The following ORC3 variants were observed in gnomAD, a reference collection of about 807,000 sequenced individuals.
ORC3 encodes origin recognition complex subunit 3, also known as homolog of latheo, Drosophila.
A neutral mutation model predicts 100.7 loss-of-function variants in ORC3; 78 were observed. The observed-to-expected ratio is 0.77, with a 90% CI of 0.65 to 0.94. The LOEUF (loss-of-function observed/expected upper bound fraction) is 0.94. ORC3 is among the 40% of genes least tolerant of loss of function. The pLI is 0.00. For missense variants in ORC3, 789 were observed against 823.9 expected (o/e 0.96, Z 0.52); for synonymous variants, 295 against 289.3 (o/e 1.02, Z -0.20).
intron 16 of ORC3, among the ~76,000 whole-genome samples, chr6:87,662,604 A>G (rs1770275639): frequency 6.6e-6 from 1 of 152,182 alleles, no homozygotes; most frequent in Admixed American, 6.5e-5. Flanking sequence ...GAAAATGTAG[A>G]TATCTGTTTT....
chr6:87,609,117 A>T lies in ORC3; in HGVS notation c.601A>T (p.Ser201Cys). Residue 201 changes from serine to cysteine, a missense_variant, in exon 7 of 20, where the codon AGC becomes TGC. Ser to Cys is a moderately radical substitution (Grantham distance 112, BLOSUM62 -1). Coordinates refer to ENST00000392844, the MANE Select transcript of ORC3 (RefSeq NM_012381.4). Reference sequence around the variant, plus strand: ...AAAGAAGACGGACCCAAAAATGCTAAGCAAAAAAAGGACTACTTCTAGCCA... The same window carrying T: ...AAAGAAGACGGACCCAAAAATGCTATGCAAAAAAAGGACTACTTCTAGCCA... ...VTQKTDPKML[S>C]KKRTTSSQWQ... is the part of the protein sequence containing the mutation. The T allele has an allele frequency of 6.2e-7, 1 of 1,603,746 alleles. No individual in the cohort carries two copies. The highest frequency in any genetic ancestry group is 8.5e-7 in the Non-Finnish European group (1 of 1,177,672).
At chr6:87,657,084 A>C (rs761776361) in intron 15 of ORC3, 102 bp downstream of exon 15, 1 of 776,526 alleles carries the variant, frequency 1.3e-6, no homozygotes, top group East Asian at 2.6e-5. Context: ...TTTCATTTTT[A>C]AACCACAACC....
intron 13 of ORC3, among the ~76,000 whole-genome samples, chr6:87,645,264 A>G (rs1286969262): frequency 6.6e-6 from 1 of 152,188 alleles, no homozygotes; most frequent in Non-Finnish European, 1.5e-5. Flanking sequence ...GTGATGGGTC[A>G]GGGCTAGGGT....
In ORC3 at chr6:87,658,026, T is replaced by A; in HGVS notation, c.1691+8T>A. The A allele has an allele frequency of 6.2e-6, 9 of 1,455,334 alleles. No homozygotes were observed. The highest frequency in any genetic ancestry group is 8.7e-6 in the Non-Finnish European group (9 of 1,036,776). 90.2% of individuals were successfully genotyped at this position (1,455,334 alleles called of 1,614,324 possible). On this transcript the variant is annotated splice_region_variant and intron_variant, in intron 16 of 19. Coordinates refer to ENST00000392844, the MANE Select transcript of ORC3 (RefSeq NM_012381.4). ...CATTGACTGTCTAGTGAGGTAAGTCTAAATTTAGCTCTTAAGAGCTAAAAA... is the reference window on the plus strand; with the variant it reads ...CATTGACTGTCTAGTGAGGTAAGTCAAAATTTAGCTCTTAAGAGCTAAAAA...
intron 14 of ORC3, among the ~76,000 whole-genome samples, chr6:87,656,069 A>C (rs773702545): frequency 6.6e-6 from 1 of 152,208 alleles, no homozygotes; most frequent in Non-Finnish European, 1.5e-5. Context: ...ATATGAGAGC[A>C]TTATGCTCTC....
chr6:87,598,081 G>A (rs1477900305), intron 2 of ORC3, among the ~76,000 whole-genome samples: 1 of 152,224 alleles, frequency 6.6e-6, no homozygotes, highest in East Asian at 1.9e-4. Context: ...CCAGGCTGGA[G>A]TGCAGTGGCA....
chr6:87,657,936 AAG>A lies in ORC3; in HGVS notation c.1610_1611del (p.Lys537ArgfsTer6). 6.4e-7 allele frequency: 1 copy of A among 1,563,906 alleles called. No homozygotes were observed. Among genetic ancestry groups the A allele is most frequent in the Non-Finnish European group, 8.8e-7 (1 of 1,134,418 alleles). On this transcript the variant is annotated frameshift_variant, in exon 16 of 20. Coordinates refer to ENST00000392844, the MANE Select transcript of ORC3 (RefSeq NM_012381.4). LOFTEE classifies it high-confidence loss of function. ...YHLQKSLLEMKELRRSKKQTK... is the reference protein window; with the variant it reads ...YHLQKSLLEMXELRRSKKQTK... ...TTATCTATAGTCCTTATTGGAAATG[AAG>A]GAGTTAAGAAGAAGTAAGAAGCAAA...
intron 2 of ORC3, among the ~76,000 whole-genome samples, chr6:87,600,612 A>G (rs1777823794): frequency 6.6e-6 from 1 of 152,238 alleles, no homozygotes; most frequent in Non-Finnish European, 1.5e-5. Flanking sequence ...CAAGACTGGT[A>G]GGAGAATAGG....
intron 12 of ORC3, 88 bp from the exon 13 acceptor site, chr6:87,636,319 T>G: frequency 1.3e-6 from 1 of 745,366 alleles, no homozygotes; most frequent in Non-Finnish European, 2.4e-6. Flanking sequence ...TAACATTAAT[T>G]TTTTTTGTGT....
rs28381507 is a variant in ORC3, at chr6:87,622,623, T to C, written c.1185+610T>C. Among the ~76,000 whole-genome samples the C allele has an allele frequency of 5.5e-4, 83 of 151,702 alleles. 1 individual carries two copies. The highest frequency in any genetic ancestry group is 1.5e-3 in the African/African-American group (60 of 41,200). ...ATACTATATATGTTATAGTATATAA[T>C]ATACAGTGAAAGGCTTCGTTTCACC... On this transcript the variant is annotated intron_variant, in intron 11 of 19. Transcript: ENST00000392844.
At chr6:87,600,785 C>T (rs1463577992) in intron 2 of ORC3, among the ~76,000 whole-genome samples, 3 of 138,774 alleles carry the variant, frequency 2.2e-5, no homozygotes, top group African/African-American at 8.5e-5. Flanking sequence ...GTTATGAAAT[C>T]AATTTAGTGG....
intron 2 of ORC3, 22 bp downstream of exon 2, chr6:87,594,429 T>G: frequency 1.9e-6 from 3 of 1,549,090 alleles, no homozygotes; most frequent in Non-Finnish European, 2.6e-6. Context: ...GAATATTAAA[T>G]TTTTTATTCC....
intron 11 of ORC3, among the ~76,000 whole-genome samples, chr6:87,624,258 C>T (rs553665142): frequency 5.9e-4 from 89 of 152,126 alleles, no homozygotes; most frequent in African/African-American, 1.6e-3. Flanking sequence ...CTGAGGTGGA[C>T]GGATCACTTG....
chr6:87,596,879 A>C (rs1359750927), intron 2 of ORC3, among the ~76,000 whole-genome samples: 3 of 152,196 alleles, frequency 2.0e-5, no homozygotes, highest in African/African-American at 7.2e-5. Flanking sequence ...ATGCACATAT[A>C]ATTACAGGTA....
chr6:87,637,062 A>T (rs892016148), intron 13 of ORC3, among the ~76,000 whole-genome samples: 2 of 152,162 alleles, frequency 1.3e-5, no homozygotes, highest in Admixed American at 6.6e-5. Context: ...TTCACTTCTT[A>T]TATGTATAGT....
intron 2 of ORC3, among the ~76,000 whole-genome samples, chr6:87,597,285 G>A (rs1465904622): frequency 6.6e-6 from 1 of 152,092 alleles, no homozygotes; most frequent in Admixed American, 6.5e-5. Context: ...ACTGCGACCT[G>A]TCACTTGAGG....
At chr6:87,636,324 T>G (rs1767824837) in intron 12 of ORC3, 83 bp from the exon 13 acceptor site, 2 of 762,122 alleles carry the variant, frequency 2.6e-6, no homozygotes, top group African/African-American at 1.8e-5. Flanking sequence ...TTAATTTTTT[T>G]TGTGTTGACC....
chr6:87,594,576 C>CCTG, intron 2 of ORC3, 169 bp downstream of exon 2: 1 of 1,268,310 alleles, frequency 7.9e-7, no homozygotes, highest in Non-Finnish European at 1.0e-6. Flanking sequence ...CACCCCAGGG[C>CCTG]TCTAATTGAA....
In ORC3 at chr6:87,612,038, A is replaced by G. The variant is rs746136363; in HGVS notation, c.714-51A>G. ...TCTTATGTTGAAATATGATGTATTG[A>G]AATATATTTGCTAAATAAATTTCAC... On this transcript the variant is annotated intron_variant, in intron 7 of 19. Coordinates refer to ENST00000392844, the MANE Select transcript of ORC3 (RefSeq NM_012381.4). The G allele has an allele frequency of 4.6e-6, 7 of 1,529,812 alleles. No individual in the cohort carries two copies. In the South Asian group the frequency reaches 8.3e-5, roughly 18 times the overall value. The allele number at this position is 1,529,812 out of a possible 1,614,324, so 94.8% of individuals were successfully genotyped here. A position where few individuals can be genotyped will look rare whatever the true frequency, so the allele number is the denominator to read the frequency against.
Sources: allele counts gnomAD v4.1 joint callset (sites outside exome capture counted in the v4.1 genomes callset), GRCh38; gene constraint gnomAD v4.1.1; transcripts MANE v1.5; gene names NCBI Gene and HGNC (gene_info 2026-07-23, HGNC 2026-07-21).